MAF: variants seen among roughly 807,000 people sequenced by gnomAD.
The protein encoded by MAF is MAF bZIP transcription factor.
MAF carries 10 observed loss-of-function variants against 22.0 expected under a neutral mutation model. The ratio of observed to expected loss-of-function variants is 0.45; its 90% CI spans 0.28 to 0.77. The LOEUF (loss-of-function observed/expected upper bound fraction) is 0.77. MAF is among the 30% of genes least tolerant of loss of function. The pLI is 0.12. For synonymous variants in MAF, 337 were observed against 255.8 expected (o/e 1.32, Z -3.03); for missense variants, 544 against 548.4 (o/e 0.99, Z 0.08).
chr16:79,242,539 C>T, the MAF span, among the ~76,000 whole-genome samples: 1 of 151,882 alleles, frequency 6.6e-6, no homozygotes, highest in Non-Finnish European at 1.5e-5. Flanking sequence ...TACCGGAGCA[C>T]CCAGACTCAT....
At chr16:79,219,340 CA>C in the MAF span, among the ~76,000 whole-genome samples, 36 of 152,112 alleles carry the variant, frequency 2.4e-4, no homozygotes, top group African/African-American at 8.0e-4. Context: ...GAGTGCTTAC[CA>C]AAACGCCTAT....
chr16:79,460,393 T>G, the MAF span, among the ~76,000 whole-genome samples: 1 of 152,190 alleles, frequency 6.6e-6, no homozygotes, highest in Non-Finnish European at 1.5e-5. Context: ...AAGCTCTCTT[T>G]TCCAACCTAA....
the MAF span, among the ~76,000 whole-genome samples, chr16:79,216,834 G>C: frequency 2.7e-5 from 4 of 149,436 alleles, no homozygotes; most frequent in East Asian, 5.9e-4. Flanking sequence ...TTTTGAGATG[G>C]AGTCTCGCTC....
the MAF span, among the ~76,000 whole-genome samples, chr16:79,574,991 C>T: frequency 6.6e-6 from 1 of 151,104 alleles, no homozygotes; most frequent in East Asian, 1.9e-4. Flanking sequence ...TAGGAGTTCT[C>T]AATCCTAATT....
At chr16:79,451,035 G>C in the MAF span, among the ~76,000 whole-genome samples, 1 of 152,084 alleles carries the variant, frequency 6.6e-6, no homozygotes, top group Non-Finnish European at 1.5e-5. Flanking sequence ...TACCTGTACA[G>C]CAACACTTCT....
the MAF span, among the ~76,000 whole-genome samples, chr16:79,419,054 G>T: frequency 0.043 from 6,525 of 152,298 alleles, 294 homozygotes; most frequent in African/African-American, 0.11. Flanking sequence ...ATAAATGTCA[G>T]CAGTGTTTGC....
the MAF span, among the ~76,000 whole-genome samples, chr16:79,511,612 A>G: frequency 6.6e-6 from 1 of 152,244 alleles, no homozygotes; most frequent in African/African-American, 2.4e-5. Flanking sequence ...CTGGCTTCCC[A>G]GCAGCCTGAT....
the MAF span, among the ~76,000 whole-genome samples, chr16:79,251,982 G>T: frequency 6.6e-6 from 1 of 152,258 alleles, no homozygotes; most frequent in African/African-American, 2.4e-5. Flanking sequence ...CCTTTAAAAT[G>T]AGTTATTCTG....
chr16:79,212,686 G>A, the MAF span: 4 of 152,180 alleles, frequency 2.6e-5, no homozygotes, highest in African/African-American at 9.6e-5. Context: ...AGTTTGTATT[G>A]TTTCTTTAAA....
At chr16:79,331,151 G>C in the MAF span, among the ~76,000 whole-genome samples, 1 of 152,116 alleles carries the variant, frequency 6.6e-6, no homozygotes, top group Admixed American at 6.5e-5. Context: ...ATGAAATCAA[G>C]TCCCTTAACA....
At chr16:79,289,028 C>A in the MAF span, among the ~76,000 whole-genome samples, 1 of 152,240 alleles carries the variant, frequency 6.6e-6, no homozygotes, top group Admixed American at 6.5e-5. Flanking sequence ...CTGCACCCAG[C>A]CTGTTTGTTT....
the MAF span, among the ~76,000 whole-genome samples, chr16:79,215,312 C>A: frequency 1.3e-5 from 2 of 152,108 alleles, no homozygotes; most frequent in Non-Finnish European, 2.9e-5. Context: ...GAACTCCTGG[C>A]CTTAAGCAAT....
chr16:79,580,556 G>C, the MAF span, among the ~76,000 whole-genome samples: 3,258 of 152,228 alleles, frequency 0.021, 123 homozygotes, highest in African/African-American at 0.074. Flanking sequence ...GGGATGCCAG[G>C]GGGCTTCGAA....
At chr16:79,292,400 C>T in the MAF span, among the ~76,000 whole-genome samples, 13 of 152,208 alleles carry the variant, frequency 8.5e-5, no homozygotes, top group South Asian at 8.3e-4. Context: ...AATTCTTTTC[C>T]GAGAGCCTGA....
At chr16:79,427,077 C>T in the MAF span, among the ~76,000 whole-genome samples, 1 of 152,360 alleles carries the variant, frequency 6.6e-6, no homozygotes, top group East Asian at 1.9e-4. Flanking sequence ...CAGAGTGACG[C>T]TCCCACTCCT....
At chr16:79,422,736 A>T in the MAF span, among the ~76,000 whole-genome samples, 1 of 152,178 alleles carries the variant, frequency 6.6e-6, no homozygotes, top group Non-Finnish European at 1.5e-5. Flanking sequence ...TTTATTGAAG[A>T]CCTATTATGT....
chr16:79,380,921 C>T, the MAF span, among the ~76,000 whole-genome samples: 3 of 152,226 alleles, frequency 2.0e-5, no homozygotes, highest in Non-Finnish European at 4.4e-5. Context: ...AGCCTTCAGA[C>T]TGGCAATTAT....
At chr16:79,243,955 A>G in the MAF span, among the ~76,000 whole-genome samples, 1 of 152,116 alleles carries the variant, frequency 6.6e-6, no homozygotes, top group East Asian at 1.9e-4. Context: ...AACAAAACCA[A>G]TGAAAAAAAC....
At chr16:79,461,451 A>C in the MAF span, among the ~76,000 whole-genome samples, 1 of 152,174 alleles carries the variant, frequency 6.6e-6, no homozygotes, top group African/African-American at 2.4e-5. Flanking sequence ...GGGCCATGTC[A>C]GCTCAGCCAG....
Sources: gnomAD v4.1 joint callset for allele counts (sites outside exome capture counted in the v4.1 genomes callset) on GRCh38, gnomAD v4.1.1 for gene constraint, MANE v1.5 for transcripts, NCBI Gene and HGNC (gene_info 2026-07-23, HGNC 2026-07-21) for gene names.